Variants in LYPLAL1 observed in about 807,000 individuals in gnomAD.
The protein encoded by LYPLAL1 is lysophospholipase-like protein 1.
A neutral mutation model predicts 19.7 loss-of-function variants in LYPLAL1; 23 were observed. That is an observed-to-expected ratio of 1.17 (90% confidence interval 0.84 to 1.65). LYPLAL1 has a LOEUF of 1.65. LYPLAL1 is among the 40% of genes most tolerant of loss of function. The pLI is 0.00. For synonymous variants in LYPLAL1, 119 were observed against 96.3 expected (o/e 1.24, Z -1.38); for missense variants, 355 against 279.4 (o/e 1.27, Z -1.93).
the LYPLAL1 span, among the ~76,000 whole-genome samples, chr1:219,393,074 T>C: frequency 6.6e-6 from 1 of 152,244 alleles, no homozygotes; most frequent in Non-Finnish European, 1.5e-5. Context: ...ATATTTTTGA[T>C]ACTTGCTTAA....
At chr1:219,190,374 CA>C (rs1436359457) in intron 2 of LYPLAL1, among the ~76,000 whole-genome samples, 5 of 151,384 alleles carry the variant, frequency 3.3e-5, no homozygotes, top group Non-Finnish European at 7.4e-5. Context: ...CTTTTAATAG[CA>C]CAAGCACAAT....
chr1:219,324,070 C>T, the LYPLAL1 span, among the ~76,000 whole-genome samples: 2 of 152,176 alleles, frequency 1.3e-5, no homozygotes, highest in African/African-American at 4.8e-5. Context: ...AATGGTGGTT[C>T]TTTCTTACCC....
chr1:219,373,348 T>C, the LYPLAL1 span, among the ~76,000 whole-genome samples: 1 of 152,214 alleles, frequency 6.6e-6, no homozygotes, highest in Non-Finnish European at 1.5e-5. Flanking sequence ...TATATTGAGT[T>C]GTCGGGGCTC....
At chr1:219,394,567 T>A in the LYPLAL1 span, among the ~76,000 whole-genome samples, 4 of 152,342 alleles carry the variant, frequency 2.6e-5, no homozygotes, top group African/African-American at 9.6e-5. Context: ...ACCACATACA[T>A]GTGACATCAT....
the LYPLAL1 span, among the ~76,000 whole-genome samples, chr1:219,426,356 T>C: frequency 6.6e-6 from 1 of 152,184 alleles, no homozygotes; most frequent in Non-Finnish European, 1.5e-5. Flanking sequence ...TTCAATTCTG[T>C]TCCTCAGAAA....
the LYPLAL1 span, among the ~76,000 whole-genome samples, chr1:219,441,826 T>C: frequency 6.6e-6 from 1 of 152,064 alleles, no homozygotes; most frequent in East Asian, 1.9e-4. Context: ...ATGCCTGTGG[T>C]TATCAGAGCC....
the LYPLAL1 span, among the ~76,000 whole-genome samples, chr1:219,264,740 T>G: frequency 6.6e-6 from 1 of 152,204 alleles, no homozygotes; most frequent in South Asian, 2.1e-4. Flanking sequence ...TTCCTTTGCA[T>G]TTTACAATGC....
chr1:219,399,162 G>A, the LYPLAL1 span, among the ~76,000 whole-genome samples: 1 of 152,200 alleles, frequency 6.6e-6, no homozygotes, highest in African/African-American at 2.4e-5. Context: ...ATGGCTCAGT[G>A]AGCTGGGGCG....
the LYPLAL1 span, among the ~76,000 whole-genome samples, chr1:219,388,548 C>A: frequency 6.6e-6 from 1 of 152,088 alleles, no homozygotes; most frequent in African/African-American, 2.4e-5. Context: ...TAGTGGGACA[C>A]CTCTTTCAAT....
the LYPLAL1 span, among the ~76,000 whole-genome samples, chr1:219,411,218 G>C: frequency 8.3e-6 from 1 of 120,536 alleles, no homozygotes; most frequent in East Asian, 2.9e-4. Flanking sequence ...TGCACCAATC[G>C]ACACTCTGTA....
chr1:219,337,513 G>A, the LYPLAL1 span, among the ~76,000 whole-genome samples: 2 of 152,012 alleles, frequency 1.3e-5, no homozygotes, highest in African/African-American at 4.8e-5. Context: ...TGGGAGATTT[G>A]CAAGTAAGTA....
At chr1:219,373,205 G>A in the LYPLAL1 span, among the ~76,000 whole-genome samples, 1 of 152,208 alleles carries the variant, frequency 6.6e-6, no homozygotes, top group Non-Finnish European at 1.5e-5. Flanking sequence ...GGGATGTGCA[G>A]CATTTTCTAC....
At chr1:219,359,159 A>T in the LYPLAL1 span, among the ~76,000 whole-genome samples, 1 of 152,168 alleles carries the variant, frequency 6.6e-6, no homozygotes, top group African/African-American at 2.4e-5. Context: ...ATCACTCTTA[A>T]TATGATAAAG....
the LYPLAL1 span, among the ~76,000 whole-genome samples, chr1:219,353,003 C>A: frequency 6.6e-6 from 1 of 152,272 alleles, no homozygotes. Flanking sequence ...CTGGTACCTA[C>A]TAGCCCTCCT....
At chr1:219,275,910 TTAAC>T in the LYPLAL1 span, among the ~76,000 whole-genome samples, 10 of 152,186 alleles carry the variant, frequency 6.6e-5, no homozygotes, top group Non-Finnish European at 1.0e-4. Context: ...GCTGCTACTT[TTAAC>T]TACTCTTGAA....
At chr1:219,181,207 G>GT (rs951663189) in intron 2 of LYPLAL1, among the ~76,000 whole-genome samples, 3 of 152,144 alleles carry the variant, frequency 2.0e-5, no homozygotes, top group Admixed American at 1.3e-4. Flanking sequence ...AAATTGGCAT[G>GT]TTTTACATGT....
chr1:219,182,096 G>A (rs1656340677), intron 2 of LYPLAL1, among the ~76,000 whole-genome samples: 1 of 152,088 alleles, frequency 6.6e-6, no homozygotes, highest in Admixed American at 6.6e-5. Context: ...TTGTTCATAA[G>A]GGGTTGCAAT....
chr1:219,245,387 C>G, the LYPLAL1 span, among the ~76,000 whole-genome samples: 1 of 152,176 alleles, frequency 6.6e-6, no homozygotes, highest in Non-Finnish European at 1.5e-5. Context: ...TTAGTCTGCC[C>G]TATGTCTGGA....
intron 2 of LYPLAL1, among the ~76,000 whole-genome samples, chr1:219,180,007 A>T (rs1006408442): frequency 8.2e-5 from 12 of 146,544 alleles, no homozygotes; most frequent in African/African-American, 2.8e-4. Flanking sequence ...TTCTTTTTTT[A>T]TTTTTTCCAG....
Sources: allele counts gnomAD v4.1 joint callset (sites outside exome capture counted in the v4.1 genomes callset), GRCh38; gene constraint gnomAD v4.1.1; transcripts MANE v1.5; gene names NCBI Gene and HGNC (gene_info 2026-07-23, HGNC 2026-07-21).